The following IL1RL2 variants were observed in gnomAD, a reference collection of about 807,000 sequenced individuals.
IL1RL2 encodes the protein interleukin-1 receptor-like 2.
IL1RL2 carries 68 observed loss-of-function variants against 66.8 expected under a neutral mutation model. The observed-to-expected ratio is 1.02, with a 90% CI of 0.84 to 1.25. The LOEUF (loss-of-function observed/expected upper bound fraction) is 1.25, where lower values mean the gene tolerates loss of function less well. Among genes scored for constraint, IL1RL2 ranks in the 50% most tolerant of loss-of-function variants. The pLI, the probability that IL1RL2 is intolerant of heterozygous loss-of-function variation, is 0.00. For synonymous variants in IL1RL2, 305 were observed against 264.6 expected (o/e 1.15, Z -1.48); for missense variants, 729 against 709.3 (o/e 1.03, Z -0.32).
intron 11 of IL1RL2, chr2:102,235,609 C>T: frequency 1.0e-6 from 1 of 985,334 alleles, no homozygotes; most frequent in Non-Finnish European, 1.2e-6. Context: ...AGTGGACATG[C>T]CCGGAAGTTT....
intron 4 of IL1RL2, among the ~76,000 whole-genome samples, chr2:102,193,658 G>A (rs1203236664): frequency 6.6e-6 from 1 of 152,192 alleles, no homozygotes; most frequent in Non-Finnish European, 1.5e-5. Context: ...GGCTCACCAG[G>A]AGTATTCTAG....
chr2:102,211,918 A>ATTTTTTTTTTTTTT (rs138145179), intron 5 of IL1RL2, among the ~76,000 whole-genome samples, 182 bp from the exon 6 acceptor site: 1 of 150,188 alleles, frequency 6.7e-6, no homozygotes, highest in Non-Finnish European at 1.5e-5. Flanking sequence ...CTTCTAGCTT[A>ATTTTTTTTTTTTTT]TTTTTTTTTT....
intron 8 of IL1RL2, among the ~76,000 whole-genome samples, chr2:102,222,409 G>T (rs1322115511): frequency 6.6e-6 from 1 of 152,162 alleles, no homozygotes. Flanking sequence ...GAGTAGAGTT[G>T]CCAGGTAAGA....
At chr2:102,211,641 A>G (rs1378901107) in intron 5 of IL1RL2, among the ~76,000 whole-genome samples, 1 of 152,214 alleles carries the variant, frequency 6.6e-6, no homozygotes, top group African/African-American at 2.4e-5. Flanking sequence ...TTATAAGGAC[A>G]AAACTATAGA....
At chr2:102,196,892 G>A (rs1021467928) in intron 4 of IL1RL2, among the ~76,000 whole-genome samples, 10 of 152,170 alleles carry the variant, frequency 6.6e-5, no homozygotes, top group Non-Finnish European at 1.2e-4. Flanking sequence ...CCTACCATCA[G>A]GAGAATGGCA....
rs932587038 is a variant in IL1RL2 at position 102,211,966 on chromosome 2, G to A, written c.650-134G>A. Reference sequence around the variant, plus strand: ...TTCAGTTACTTCTGGTTGAAAATGTGTATTTATGGAGTGAGATTTTGACCA... The same window carrying A: ...TTCAGTTACTTCTGGTTGAAAATGTATATTTATGGAGTGAGATTTTGACCA... On this transcript the variant is annotated intron_variant, in intron 5 of 11. Coordinates refer to ENST00000264257, the MANE Select transcript of IL1RL2 (RefSeq NM_003854.4). 17 of 529,086 alleles carry A rather than the reference G, an allele frequency of 3.2e-5. 1 individual carries two copies. The Middle Eastern group carries it at 1.6e-3, about 51-fold the overall frequency. 32.8% of individuals were successfully genotyped at this position (529,086 alleles called of 1,614,324 possible). A position where few individuals can be genotyped will look rare whatever the true frequency, so the allele number is the denominator to read the frequency against.
At chr2:102,218,881 TA>T in intron 6 of IL1RL2, 71 bp from the exon 7 acceptor site, 1 of 1,351,234 alleles carries the variant, frequency 7.4e-7, no homozygotes, top group African/African-American at 1.4e-5. Context: ...GATGCACTTG[TA>T]ATCCAGATGT....
At position 102,201,648 on chromosome 2, in the gene IL1RL2, G is replaced by C. The variant is rs145899905; in HGVS notation, c.582G>C (p.Ala194=). ...NVSAEDRGNY[A]CQAILTHSGK... ...CGGCAGAGGACAGAGGGAACTACGC[G>C]TGTCAAGCCATACTGACACACTCAG... The change falls in exon 5 of 12, where the codon GCG becomes GCC. Residue 194 remains alanine, a synonymous_variant. Transcript: ENST00000264257. 1 of 1,614,076 alleles carries C rather than the reference G, an allele frequency of 6.2e-7. No homozygotes were observed. Among genetic ancestry groups the C allele is most frequent in the East Asian group, 2.2e-5 (1 of 44,872 alleles).
rs993962767 is a variant in IL1RL2, at chr2:102,191,791, G to A, written c.294-134G>A. On this transcript the variant is annotated intron_variant, in intron 3 of 11. Transcript: ENST00000264257. ...CTTTTGTGATGAATCATTTGTGGAT[G>A]CTTAGTGCTTTGTTAGAGGCAGAGG... 50 of 611,248 alleles carry A rather than the reference G, an allele frequency of 8.2e-5. 1 individual carries two copies. In the Admixed American group the frequency reaches 1.7e-3, roughly 21 times the overall value. The allele number at this position is 611,248 out of a possible 1,614,324, so 37.9% of individuals were successfully genotyped here.
At chr2:102,224,355 GT>G (rs1690413020) in intron 8 of IL1RL2, among the ~76,000 whole-genome samples, 2 of 152,182 alleles carry the variant, frequency 1.3e-5, no homozygotes, top group African/African-American at 4.8e-5. Context: ...AAGAAATTCT[GT>G]CATAGATGTA....
At chr2:102,196,372 G>A (rs1359269582) in intron 4 of IL1RL2, among the ~76,000 whole-genome samples, 1 of 152,074 alleles carries the variant, frequency 6.6e-6, no homozygotes, top group Non-Finnish European at 1.5e-5. Flanking sequence ...GCTCAGATTT[G>A]GTGATCCAGG....
At chr2:102,188,604 G>T (rs1351444605) in intron 2 of IL1RL2, among the ~76,000 whole-genome samples, 1 of 94,184 alleles carries the variant, frequency 1.1e-5, no homozygotes, top group African/African-American at 3.5e-5. Context: ...AAAAAAAAAA[G>T]GAAATTTGGT....
At chr2:102,221,828 T>G (rs1401251155) in intron 8 of IL1RL2, among the ~76,000 whole-genome samples, 1 of 152,178 alleles carries the variant, frequency 6.6e-6, no homozygotes, top group Non-Finnish European at 1.5e-5. Context: ...TCAGCTGGAA[T>G]TTTCTTTTAT....
chr2:102,204,686 CT>C (rs145321871), intron 5 of IL1RL2, among the ~76,000 whole-genome samples: 13 of 151,408 alleles, frequency 8.6e-5, no homozygotes, highest in Non-Finnish European at 1.9e-4. Flanking sequence ...TACTCCTGCT[CT>C]TTTTTTTGTT....
intron 4 of IL1RL2, 118 bp downstream of exon 4, chr2:102,192,238 T>C (rs781446216): frequency 6.0e-5 from 37 of 619,992 alleles, no homozygotes; most frequent in Admixed American, 7.7e-5. Context: ...GTGCCTAAGA[T>C]AGATTAGTTA....
intron 5 of IL1RL2, among the ~76,000 whole-genome samples, chr2:102,208,393 A>G (rs1262528677): frequency 1.3e-5 from 2 of 152,200 alleles, no homozygotes; most frequent in Non-Finnish European, 2.9e-5. Context: ...ATTGTCAGAA[A>G]CAGAGCCAGA....
intron 11 of IL1RL2, chr2:102,235,529 T>C: frequency 1.0e-6 from 1 of 985,400 alleles, no homozygotes; most frequent in South Asian, 4.7e-5. Flanking sequence ...ACATGCCCAC[T>C]CACTGAGGCC....
chr2:102,225,806 A>G (rs1479421094), intron 8 of IL1RL2, 92 bp from the exon 9 acceptor site: 1 of 992,202 alleles, frequency 1.0e-6, no homozygotes, highest in African/African-American at 1.7e-5. Context: ...TTTGGCATTC[A>G]TAATGTGATC....
At position 102,191,954 on chromosome 2, in the gene IL1RL2, T is replaced by A. The variant is rs116360110; in HGVS notation, c.323T>A (p.Val108Glu). The A allele has an allele frequency of 1.7e-4, 282 of 1,612,764 alleles. No individual in the cohort carries two copies. Among genetic ancestry groups the A allele is most frequent in the Non-Finnish European group, 2.3e-4 (269 of 1,179,376 alleles). Residue 108 changes from valine (V) to glutamate (E), a missense_variant, in exon 4 of 12, where the codon GTA (valine) becomes GAA (glutamate). Physicochemically the swap from Val to Glu is moderately radical, Grantham distance 121. Coordinates refer to ENST00000264257, the MANE Select transcript of IL1RL2 (RefSeq NM_003854.4). The stretch of plus-strand genomic sequence containing the variant: ...AGAGACAGCTGTCATAGAATACATG[T>A]AAACCTAACTGTTTTTGAAAAACAT... The part of the protein sequence containing the change: ...KGRDSCHRIH[V>E]NLTVFEKHWC...
Sources: allele counts gnomAD v4.1 joint callset (sites outside exome capture counted in the v4.1 genomes callset), GRCh38; gene constraint gnomAD v4.1.1; transcripts MANE v1.5; gene names NCBI Gene and HGNC (gene_info 2026-07-23, HGNC 2026-07-21).